Variants in PIGS observed in about 807,000 individuals in gnomAD.
The protein encoded by PIGS is GPI-anchor transamidase component PIGS.
A neutral mutation model predicts 58.2 loss-of-function variants in PIGS; 37 were observed. The ratio of observed to expected loss-of-function variants is 0.64; its 90% CI spans 0.49 to 0.84. The LOEUF (loss-of-function observed/expected upper bound fraction) is 0.84, where lower values mean the gene tolerates loss of function less well. Ranked by LOEUF, PIGS falls within the 40% of genes least tolerant of loss-of-function variation. PIGS has a pLI of 0.00. For missense variants in PIGS, 629 were observed against 710.8 expected (o/e 0.88, Z 1.31); for synonymous variants, 269 against 289.2 (o/e 0.93, Z 0.71).
intron 9 of PIGS, 97 bp downstream of exon 9, chr17:28,556,730 G>A (rs939173491): frequency 6.8e-7 from 1 of 1,471,896 alleles, no homozygotes; most frequent in Non-Finnish European, 9.1e-7. Flanking sequence ...GCTGGGCCAT[G>A]GAGGACACCA....
At chr17:28,554,643 T>A in intron 11 of PIGS, 148 bp from the exon 12 acceptor site, 1 of 1,249,656 alleles carries the variant, frequency 8.0e-7, no homozygotes, top group Non-Finnish European at 1.1e-6. Flanking sequence ...GGGATATGGT[T>A]TATTTTCCTA....
At chr17:28,557,115 C>T in intron 8 of PIGS, 143 bp from the exon 9 acceptor site, 1 of 876,634 alleles carries the variant, frequency 1.1e-6, no homozygotes. Flanking sequence ...TCCAGGGTGT[C>T]TCTAGTAAAG....
At chr17:28,564,542 C>T (rs1315885088) in intron 3 of PIGS, among the ~76,000 whole-genome samples, 1 of 152,044 alleles carries the variant, frequency 6.6e-6, no homozygotes, top group African/African-American at 2.4e-5. Context: ...GATGAAACCC[C>T]ATCTCTACCA....
rs2070424715 is a variant in PIGS, at chr17:28,571,048, C to T, written c.174+1G>A. On this transcript the variant is annotated splice_donor_variant, in intron 2 of 11. Coordinates refer to ENST00000308360, the MANE Select transcript of PIGS (RefSeq NM_033198.4). LOFTEE classifies it high-confidence loss of function. ...CCGACCCTCCCGCACAGCAGTCTCA[C>T]CTGAAGGGCATTCAGGCCACTGATC... 2.5e-6 allele frequency: 4 copies of T among 1,614,184 alleles called. No homozygotes were observed. Among genetic ancestry groups the T allele is most frequent in the Non-Finnish European group, 3.4e-6 (4 of 1,180,040 alleles).
At chr17:28,561,836 C>T in intron 5 of PIGS, 1 of 553,760 alleles carries the variant, frequency 1.8e-6, no homozygotes, top group Non-Finnish European at 3.1e-6. Context: ...TTCTTTTTCC[C>T]AGTTGACATG....
chr17:28,567,995 C>T (rs1032835941), intron 3 of PIGS, among the ~76,000 whole-genome samples: 5 of 152,184 alleles, frequency 3.3e-5, no homozygotes, highest in African/African-American at 1.2e-4. Flanking sequence ...CTCCCTTGTC[C>T]ACCCTATCTA....
At position 28,570,833 on chromosome 17, in the gene PIGS, C is replaced by T. The variant is rs1261947425; in HGVS notation, c.286+19G>A. 6.2e-7 allele frequency: 1 copy of T among 1,613,478 alleles called. No individual in the cohort carries two copies. Among genetic ancestry groups the T allele is most frequent in the South Asian group, 1.1e-5 (1 of 91,068 alleles). On this transcript the variant is annotated intron_variant, in intron 3 of 11. Coordinates refer to ENST00000308360, the MANE Select transcript of PIGS (RefSeq NM_033198.4). ...CTGAGCTCAGAGGCGAAAAGCAGCC[C>T]TGATCCCCAGTAACTCACATTTCAG...
chr17:28,561,685 G>T (rs2070365755), intron 5 of PIGS, 56 bp from the exon 6 acceptor site: 1 of 1,534,858 alleles, frequency 6.5e-7, no homozygotes, highest in Non-Finnish European at 8.8e-7. Context: ...AAGCCAAAAA[G>T]CACCCTGGCT....
At position 28,561,465 on chromosome 17, in the gene PIGS, G is replaced by C. The variant is rs765902465; in HGVS notation, c.633C>G (p.Asp211Glu). ...GCCGCCTCTTCTCAGCGCTCCACTT[G>C]TCCTCTGGAAGGTGGTCAGCCAGAG... Reference protein sequence around the residue: ...AAALADHLPEDKWSAEKRRPL... With the variant: ...AAALADHLPEEKWSAEKRRPL... Residue 211 changes from aspartate to glutamate, a missense_variant, in exon 6 of 12, where the codon GAC (aspartate) becomes GAG (glutamate). Physicochemically the swap from Asp to Glu is conservative, Grantham distance 45. Coordinates refer to ENST00000308360, the MANE Select transcript of PIGS (RefSeq NM_033198.4). 3.1e-6 allele frequency: 5 copies of C among 1,613,896 alleles called. No individual in the cohort carries two copies. Among genetic ancestry groups the C allele is most frequent in the Non-Finnish European group, 8.5e-7 (1 of 1,179,940 alleles).
chr17:28,555,527 T>C, intron 10 of PIGS: 1 of 178,858 alleles, frequency 5.6e-6, no homozygotes, highest in Non-Finnish European at 1.2e-5. Flanking sequence ...TCTTTCCTAA[T>C]GAGCCCAGAT....
chr17:28,554,540 C>A (rs976299875), intron 11 of PIGS, 45 bp from the exon 12 acceptor site: 2 of 1,587,252 alleles, frequency 1.3e-6, no homozygotes, highest in African/African-American at 1.3e-5. Context: ...AAGTCCTAGG[C>A]ATTGGTGGAA....
At chr17:28,565,548 T>A (rs968891379) in intron 3 of PIGS, among the ~76,000 whole-genome samples, 3 of 152,202 alleles carry the variant, frequency 2.0e-5, no homozygotes, top group Non-Finnish European at 4.4e-5. Context: ...ATAAAAGAAT[T>A]CCAGGTCATA....
intron 6 of PIGS, among the ~76,000 whole-genome samples, chr17:28,560,970 T>A (rs1263354): frequency 0.47 from 71,259 of 150,316 alleles, 19,860 homozygotes; most frequent in African/African-American, 0.79. Flanking sequence ...TAAAATAAAA[T>A]AAATAGGCCA....
intron 3 of PIGS, among the ~76,000 whole-genome samples, chr17:28,565,689 G>C (rs1466875349): frequency 6.6e-6 from 1 of 152,070 alleles, no homozygotes; most frequent in Non-Finnish European, 1.5e-5. Flanking sequence ...AGGAGTTTGA[G>C]ACCAGCTCGG....
intron 6 of PIGS, among the ~76,000 whole-genome samples, chr17:28,560,955 A>AAAAAT (rs999752925): frequency 6.6e-6 from 1 of 151,606 alleles, no homozygotes; most frequent in Non-Finnish European, 1.5e-5. Context: ...CTCTGTCTCA[A>AAAAAT]AAAATAAAAT....
intron 5 of PIGS, among the ~76,000 whole-genome samples, chr17:28,562,590 C>T (rs761248508): frequency 1.3e-5 from 2 of 151,986 alleles, no homozygotes; most frequent in Admixed American, 6.6e-5. Flanking sequence ...CCCACCACCA[C>T]GCCCGGCTAA....
At chr17:28,555,453 A>T (rs2070320929) in intron 10 of PIGS, 1 of 221,038 alleles carries the variant, frequency 4.5e-6, no homozygotes. Flanking sequence ...TTGCCAAGGC[A>T]CATGTGCTGT....
In PIGS at chr17:28,561,591, C is replaced by G; in HGVS notation, c.507G>C (p.Val169=). The change falls in exon 6 of 12, where the codon GTG becomes GTC. Residue 169 remains valine (V), a synonymous_variant. Coordinates refer to ENST00000308360, the MANE Select transcript of PIGS (RefSeq NM_033198.4). ...CCTCCCGGTGCATTATCCCCCGCACCACTGCTGTCCTCTTGGGCCCAATGT... is the reference window on the plus strand; with the variant it reads ...CCTCCCGGTGCATTATCCCCCGCACGACTGCTGTCCTCTTGGGCCCAATGT... ...MSYIGPKRTA[V]VRGIMHREAF... is the part of the protein sequence containing the mutation. 1 of 1,613,578 alleles carries G rather than the reference C, an allele frequency of 6.2e-7. No homozygotes were observed. The highest frequency in any genetic ancestry group is 1.3e-5 in the African/African-American group (1 of 75,046).
chr17:28,562,257 C>CT (rs1348584273), intron 5 of PIGS, among the ~76,000 whole-genome samples: 1 of 152,096 alleles, frequency 6.6e-6, no homozygotes, highest in Admixed American at 6.5e-5. Context: ...TGATCAAACT[C>CT]TAAGGAAAAG....
Sources: gnomAD v4.1 joint callset for allele counts (sites outside exome capture counted in the v4.1 genomes callset) on GRCh38, gnomAD v4.1.1 for gene constraint, MANE v1.5 for transcripts, NCBI Gene and HGNC (gene_info 2026-07-23, HGNC 2026-07-21) for gene names.